Variants in UBP1 observed in about 807,000 individuals in gnomAD.
The protein encoded by UBP1 is upstream-binding protein 1.
Under a neutral mutation model 76.1 loss-of-function variants are expected in UBP1, and 22 were observed. That is an observed-to-expected ratio of 0.29 (90% CI 0.21 to 0.41). UBP1 has a LOEUF of 0.41. Among genes scored for constraint, UBP1 ranks in the 10% least tolerant of loss-of-function variants. UBP1 has a pLI of 1.00. For missense variants in UBP1, 436 were observed against 668.1 expected, an observed-to-expected ratio of 0.65 and a Z score of 3.83; for synonymous variants, 224 against 237.1, an observed-to-expected ratio of 0.94 and a Z score of 0.51.
rs899494260 is a variant in UBP1, at chr3:33,397,282, A to G, written c.1181-147T>C. The G allele has an allele frequency of 1.5e-5, 8 of 538,210 alleles. 1 individual carries two copies. Among genetic ancestry groups the G allele is most frequent in the East Asian group, 1.3e-4 (4 of 30,870 alleles). 33.3% of individuals were successfully genotyped at this position (538,210 alleles called of 1,614,324 possible). On this transcript the variant is annotated intron_variant, in intron 11 of 15. Transcript: ENST00000283629. ...TACACATGAACAATATAAGAAGACA[A>G]ACAGACACCTGTCCTTCAGAGCCAA...
At chr3:33,422,180 T>C (rs185337771) in intron 2 of UBP1, among the ~76,000 whole-genome samples, 12 of 152,230 alleles carry the variant, frequency 7.9e-5, no homozygotes, top group Admixed American at 2.6e-4. Flanking sequence ...GACAAAGAGG[T>C]AGGGTGAAAG....
At chr3:33,397,216 C>T (rs1294499476) in intron 11 of UBP1, 81 bp from the exon 12 acceptor site, 1 of 1,030,818 alleles carries the variant, frequency 9.7e-7, no homozygotes, top group Non-Finnish European at 1.4e-6. Context: ...TTCATGCAGT[C>T]CAATGTCCTT....
intron 9 of UBP1, among the ~76,000 whole-genome samples, chr3:33,401,678 C>T (rs2044234141): frequency 6.6e-6 from 1 of 152,184 alleles, no homozygotes; most frequent in Non-Finnish European, 1.5e-5. Context: ...TCCTTTCTAC[C>T]CATAAGAACT....
intron 12 of UBP1, 78 bp from the exon 13 acceptor site, chr3:33,396,358 ATCTAAGT>A: frequency 9.4e-7 from 1 of 1,062,122 alleles, no homozygotes; most frequent in Non-Finnish European, 1.4e-6. Context: ...AACTACAGGA[ATCTAAGT>A]TCTATTTCCT....
At chr3:33,418,263 A>G (rs926468990) in intron 2 of UBP1, among the ~76,000 whole-genome samples, 1 of 152,036 alleles carries the variant, frequency 6.6e-6, no homozygotes, top group Admixed American at 6.5e-5. Context: ...TTATTTATTT[A>G]TTTATTTTGA....
chr3:33,416,776 G>A lies in UBP1; in HGVS notation c.324C>T (p.Ile108=), dbSNP rs748328813. The A allele has an allele frequency of 1.2e-6, 2 of 1,613,108 alleles. No homozygotes were observed. Among genetic ancestry groups the A allele is most frequent in the South Asian group, 1.1e-5 (1 of 91,046 alleles). ...DNRKMGDMPE[I]NGKLVKSIIR... ...TCCTTACCTTTACTAATTTTCCATT[G>A]ATCTCAGGCATATCACCCATTTTCC... is the stretch of plus-strand genomic sequence containing the variant. Residue 108 remains isoleucine (I), a synonymous_variant, in exon 3 of 16, where the codon ATC becomes ATT. Coordinates refer to ENST00000283629, the MANE Select transcript of UBP1 (RefSeq NM_014517.5).
At chr3:33,427,118 C>T (rs1156438631) in intron 1 of UBP1, among the ~76,000 whole-genome samples, 1 of 152,198 alleles carries the variant, frequency 6.6e-6, no homozygotes, top group Non-Finnish European at 1.5e-5. Flanking sequence ...GAGGCATGTG[C>T]CACCACACCC....
At chr3:33,441,130 A>G (rs1418130435), upstream of UBP1, 1 of 152,314 alleles carries the variant, frequency 6.6e-6, no homozygotes, top group Non-Finnish European at 1.5e-5. Context: ...GACGTGCCAC[A>G]GTAACAGCTA....
intron 8 of UBP1, among the ~76,000 whole-genome samples, chr3:33,407,538 G>A (rs1486535817): frequency 4.9e-5 from 7 of 141,676 alleles, no homozygotes; most frequent in South Asian, 2.3e-4. Context: ...TCTTTGATTC[G>A]AATTTATTTA....
At chr3:33,417,227 CCA>C (rs1199178350) in intron 2 of UBP1, among the ~76,000 whole-genome samples, 1 of 152,130 alleles carries the variant, frequency 6.6e-6, no homozygotes, top group Non-Finnish European at 1.5e-5. Context: ...ATCACCACTA[CCA>C]GTTTTAGAAC....
At chr3:33,437,134 A>AG (rs1241657128) in intron 1 of UBP1, among the ~76,000 whole-genome samples, 10 of 152,244 alleles carry the variant, frequency 6.6e-5, no homozygotes, top group African/African-American at 2.4e-4. Flanking sequence ...TGAGAACCAG[A>AG]GCCAAAAGAA....
rs2043803168 is a variant in UBP1 at position 33,392,356 on chromosome 3, T to A, written c.1585+207A>T. 1.1e-5 allele frequency: 5 copies of A among 475,320 alleles called. No individual in the cohort carries two copies. In the East Asian group the frequency reaches 1.8e-4, roughly 17 times the overall value. 29.4% of individuals were successfully genotyped at this position (475,320 alleles called of 1,614,324 possible). A position where few individuals can be genotyped will look rare whatever the true frequency, so the allele number is the denominator to read the frequency against. Reference sequence around the variant, plus strand: ...ACGTTGGCTGAATGAATTGAGATTTTTTTTTCCAGTCATCTAGAAAGACTG... The same window carrying A: ...ACGTTGGCTGAATGAATTGAGATTTATTTTTCCAGTCATCTAGAAAGACTG... On this transcript the variant is annotated intron_variant, in intron 15 of 15. Transcript: ENST00000283629.
intron 2 of UBP1, among the ~76,000 whole-genome samples, chr3:33,424,434 T>C (rs1044521922): frequency 6.6e-6 from 1 of 152,210 alleles, no homozygotes; most frequent in Non-Finnish European, 1.5e-5. Context: ...TTCTATTTAA[T>C]GACAGAAAAA....
chr3:33,393,725 T>A (rs1417938404), intron 13 of UBP1, among the ~76,000 whole-genome samples: 1 of 152,212 alleles, frequency 6.6e-6, no homozygotes, highest in Non-Finnish European at 1.5e-5. Context: ...GATTTGAGGT[T>A]TGAATTTTTC....
chr3:33,439,634 G>T, intron 1 of UBP1, 102 bp downstream of exon 1: 1 of 1,296,424 alleles, frequency 7.7e-7, no homozygotes, highest in Non-Finnish European at 1.1e-6. Flanking sequence ...AGCCCAGGAG[G>T]CCCGCGCACC....
Position 33,390,079 on chromosome 3 carries a change from A to C in UBP1, c.*252T>G. Reference sequence around the variant, plus strand: ...GCCTCTGCCAGAGCAGCAGGCAGCTATGCCTGCACCGTGGCCTCCAGAGCT... The same window carrying C: ...GCCTCTGCCAGAGCAGCAGGCAGCTCTGCCTGCACCGTGGCCTCCAGAGCT... On this transcript the variant is annotated 3_prime_UTR_variant, in exon 16 of 16. Transcript: ENST00000283629. 2.2e-6 allele frequency: 1 copy of C among 451,080 alleles called. No homozygotes were observed. The highest frequency in any genetic ancestry group is 4.0e-6 in the Non-Finnish European group (1 of 251,418). The allele number at this position is 451,080 out of a possible 1,614,324, so 27.9% of individuals were successfully genotyped here. A position where few individuals can be genotyped will look rare whatever the true frequency, so the allele number is the denominator to read the frequency against.
At chr3:33,418,824 A>G (rs2044802879) in intron 2 of UBP1, among the ~76,000 whole-genome samples, 1 of 147,850 alleles carries the variant, frequency 6.8e-6, no homozygotes, top group Admixed American at 6.9e-5. Flanking sequence ...GCACCGCTGC[A>G]CTACAGCCCA....
At chr3:33,417,801 A>T (rs911911558) in intron 2 of UBP1, among the ~76,000 whole-genome samples, 1 of 152,226 alleles carries the variant, frequency 6.6e-6, no homozygotes, top group African/African-American at 2.4e-5. Flanking sequence ...GAGAATCTTT[A>T]TAACTACCAA....
chr3:33,425,556 T>G, intron 2 of UBP1, 34 bp downstream of exon 2: 1 of 1,482,256 alleles, frequency 6.7e-7, no homozygotes, highest in Non-Finnish European at 9.1e-7. Context: ...TTCTGTAAAT[T>G]CTTACATGTC....
Sources: gnomAD v4.1 joint callset for allele counts (sites outside exome capture counted in the v4.1 genomes callset) on GRCh38, gnomAD v4.1.1 for gene constraint, MANE v1.5 for transcripts, NCBI Gene and HGNC (gene_info 2026-07-23, HGNC 2026-07-21) for gene names.